The following WDR7 variants were observed in gnomAD, a reference collection of about 807,000 sequenced individuals.
WDR7 encodes WD repeat domain 7.
A neutral mutation model predicts 169.4 loss-of-function variants in WDR7; 46 were observed. The observed-to-expected ratio is 0.27, with a 90% CI of 0.21 to 0.35. WDR7 has a LOEUF of 0.35. Among genes scored for constraint, WDR7 ranks in the 10% least tolerant of loss-of-function variants. The pLI, the probability that WDR7 is intolerant of heterozygous loss-of-function variation, is 1.00. For synonymous variants in WDR7, 612 were observed against 666.8 expected, an observed-to-expected ratio of 0.92 and a Z score of 1.27; for missense variants, 1,534 against 1,859.3, an observed-to-expected ratio of 0.83 and a Z score of 3.22.
At chr18:56,804,629 A>G (rs966478311) in intron 19 of WDR7, among the ~76,000 whole-genome samples, 1 of 152,210 alleles carries the variant, frequency 6.6e-6, no homozygotes, top group Non-Finnish European at 1.5e-5. Context: ...ATTAATGCAT[A>G]TCACTGTGGT....
At chr18:56,752,734 T>C (rs2043816427) in intron 14 of WDR7, among the ~76,000 whole-genome samples, 1 of 152,200 alleles carries the variant, frequency 6.6e-6, no homozygotes, top group South Asian at 2.1e-4. Flanking sequence ...AGTATAGAAA[T>C]ACTTAGAACA....
chr18:56,870,644 C>T (rs1482258698), intron 20 of WDR7, among the ~76,000 whole-genome samples: 3 of 151,958 alleles, frequency 2.0e-5, no homozygotes, highest in Admixed American at 2.0e-4. Context: ...ATTAGGCAGC[C>T]AGGTGTATCA....
In WDR7 at chr18:56,694,945, T is replaced by C. The variant is rs1568141816; in HGVS notation, c.1109-5T>C. 1.9e-6 allele frequency: 3 copies of C among 1,612,244 alleles called. No individual in the cohort carries two copies. The African/African-American group carries it at 4.0e-5, about 21-fold the overall frequency. On this transcript the variant is annotated splice_region_variant and splice_polypyrimidine_tract_variant and intron_variant, in intron 10 of 27. Transcript: ENST00000254442. ...TTTCTTTTATACAAAACCAAACCTCTACAGGGCTGGCAATGACAACTTCTA... is the reference window on the plus strand; with the variant it reads ...TTTCTTTTATACAAAACCAAACCTCCACAGGGCTGGCAATGACAACTTCTA...
intron 1 of WDR7, among the ~76,000 whole-genome samples, chr18:56,671,575 A>G (rs1427064194): frequency 6.6e-6 from 1 of 152,186 alleles, no homozygotes; most frequent in Non-Finnish European, 1.5e-5. Context: ...CCGGCCCTGA[A>G]CAGAGTTTTG....
At chr18:56,857,109 A>G (rs970196006) in intron 20 of WDR7, among the ~76,000 whole-genome samples, 2 of 152,118 alleles carry the variant, frequency 1.3e-5, no homozygotes, top group Admixed American at 6.5e-5. Flanking sequence ...AAAATCTTCT[A>G]TTGGTTCAAT....
At chr18:56,711,538 C>G (rs1255164040) in intron 12 of WDR7, among the ~76,000 whole-genome samples, 1 of 151,876 alleles carries the variant, frequency 6.6e-6, no homozygotes, top group African/African-American at 2.4e-5. Flanking sequence ...CCCACTATTT[C>G]TTCAGTGTTT....
intron 3 of WDR7, 51 bp downstream of exon 3, chr18:56,679,489 A>G: frequency 7.3e-7 from 1 of 1,363,874 alleles, no homozygotes; most frequent in Non-Finnish European, 1.0e-6. Context: ...TATAACTAGC[A>G]CCAATGCCTT....
At chr18:57,011,755 C>T (rs972507617) in intron 26 of WDR7, among the ~76,000 whole-genome samples, 6 of 152,164 alleles carry the variant, frequency 3.9e-5, no homozygotes, top group South Asian at 2.1e-4. Context: ...GTCTTATGTG[C>T]GTAGACTATA....
In WDR7 at chr18:56,939,292, C is replaced by T; in HGVS notation, c.3982-19C>T. On this transcript the variant is annotated intron_variant, in intron 24 of 27. Transcript: ENST00000254442. ...TAAGTATTTGAAATTAATTTTAAAT[C>T]TGTTCTTTTCTGTCAAAGGTTATGG... The T allele has an allele frequency of 6.7e-7, 1 of 1,484,972 alleles. No homozygotes were observed. Among genetic ancestry groups the T allele is most frequent in the South Asian group, 1.4e-5 (1 of 69,276 alleles). The allele number at this position is 1,484,972 out of a possible 1,614,324, so 92.0% of individuals were successfully genotyped here. A position where few individuals can be genotyped will look rare whatever the true frequency, so the allele number is the denominator to read the frequency against.
chr18:56,878,197 A>G (rs2046053851), intron 20 of WDR7, among the ~76,000 whole-genome samples: 1 of 152,188 alleles, frequency 6.6e-6, no homozygotes, highest in Admixed American at 6.5e-5. Context: ...AAATTGTTTT[A>G]ATTATTTTTG....
At position 56,737,962 on chromosome 18, in the gene WDR7, A is replaced by G. The variant is rs565503329; in HGVS notation, c.1989+6365A>G. On this transcript the variant is annotated intron_variant, in intron 14 of 27. Coordinates refer to ENST00000254442, the MANE Select transcript of WDR7 (RefSeq NM_015285.3). ...GAAAATATGAGTATGTTGATAATAT[A>G]TTATTATATATTCATAAGTATGTAA... is the stretch of plus-strand genomic sequence containing the variant. Among the ~76,000 whole-genome samples the G allele has an allele frequency of 1.1e-3, 166 of 152,248 alleles. 1 individual carries two copies. The highest frequency in any genetic ancestry group is 2.0e-3 in the Non-Finnish European group (138 of 68,010).
rs2044965916 is a variant in WDR7, at chr18:56,816,118, A to G, written c.3278A>G (p.Asp1093Gly). Residue 1093 changes from aspartate to glycine, a missense_variant, in exon 20 of 28, where the codon GAC becomes GGC. Physicochemically the swap from Asp to Gly is moderately conservative, Grantham distance 94. Coordinates refer to ENST00000254442, the MANE Select transcript of WDR7 (RefSeq NM_015285.3). Reference sequence around the variant, plus strand: ...GCAAAAGTCCAGGAGGAAGAGCATGACCTTGTTGACGATGACATCACCACT... The same window carrying G: ...GCAAAAGTCCAGGAGGAAGAGCATGGCCTTGTTGACGATGACATCACCACT... ...PEAKVQEEEHDLVDDDITTGC... is the reference protein window; with the variant it reads ...PEAKVQEEEHGLVDDDITTGC... The G allele has an allele frequency of 1.2e-6, 2 of 1,613,752 alleles. No individual in the cohort carries two copies. Among genetic ancestry groups the G allele is most frequent in the African/African-American group, 2.7e-5 (2 of 75,042 alleles).
chr18:56,671,484 C>G (rs2025134100), intron 1 of WDR7, among the ~76,000 whole-genome samples: 1 of 152,060 alleles, frequency 6.6e-6, no homozygotes, highest in Non-Finnish European at 1.5e-5. Flanking sequence ...GTTGGCCAGG[C>G]TGGTCTTGAA....
chr18:56,784,366 G>A (rs560599742), intron 19 of WDR7, among the ~76,000 whole-genome samples: 4 of 152,034 alleles, frequency 2.6e-5, no homozygotes, highest in African/African-American at 7.2e-5. Flanking sequence ...TCACCTGGAG[G>A]GTAAAGGTGC....
intron 21 of WDR7, among the ~76,000 whole-genome samples, chr18:56,890,553 A>G (rs1000082595): frequency 1.3e-5 from 2 of 152,200 alleles, no homozygotes; most frequent in Non-Finnish European, 2.9e-5. Context: ...AGTAGCAACA[A>G]TGACAAGCCA....
intron 14 of WDR7, among the ~76,000 whole-genome samples, chr18:56,754,138 T>C (rs997583980): frequency 1.3e-5 from 2 of 151,836 alleles, no homozygotes; most frequent in African/African-American, 2.4e-5. Context: ...ACACACACTT[T>C]GGTCCGGGAA....
chr18:56,990,262 G>C (rs1192434972), intron 26 of WDR7, among the ~76,000 whole-genome samples: 1 of 152,192 alleles, frequency 6.6e-6, no homozygotes, highest in African/African-American at 2.4e-5. Context: ...AAGTCCTTAG[G>C]TGAGTGGCAG....
At chr18:56,681,868 G>A (rs1018531469) in intron 4 of WDR7, among the ~76,000 whole-genome samples, 1 of 152,124 alleles carries the variant, frequency 6.6e-6, no homozygotes, top group Non-Finnish European at 1.5e-5. Flanking sequence ...CATATGCCTG[G>A]CTTAATATGT....
rs1284468674 is a variant in WDR7 at position 56,665,407 on chromosome 18, C to CA, written c.-19-7084dup. Among the ~76,000 whole-genome samples, 78 of 150,794 alleles carry CA rather than the reference C, an allele frequency of 5.2e-4. 2 individuals carry two copies. Among genetic ancestry groups the CA allele is most frequent in the Non-Finnish European group, 1.8e-4 (12 of 67,792 alleles). On this transcript the variant is annotated intron_variant, in intron 1 of 27. Coordinates refer to ENST00000254442, the MANE Select transcript of WDR7 (RefSeq NM_015285.3). ...GATGGGGCAAAAACAAACAAACAAA[C>CA]AAAAAACCCAAGAATTTATCTTGAG... is the stretch of plus-strand genomic sequence containing the variant.
Sources: gnomAD v4.1 joint callset for allele counts (sites outside exome capture counted in the v4.1 genomes callset) on GRCh38, gnomAD v4.1.1 for gene constraint, MANE v1.5 for transcripts, NCBI Gene and HGNC (gene_info 2026-07-23, HGNC 2026-07-21) for gene names.